The following FNTB variants were observed in gnomAD, a reference collection of about 807,000 sequenced individuals.
FNTB encodes the protein farnesyltransferase, CAAX box, subunit beta, also known as protein farnesyltransferase subunit beta.
A neutral mutation model predicts 59.4 loss-of-function variants in FNTB; 27 were observed. That is an observed-to-expected ratio of 0.45 (90% CI 0.34 to 0.63). FNTB has a LOEUF of 0.63. Among genes scored for constraint, FNTB ranks in the 20% least tolerant of loss-of-function variants. The pLI, the probability that FNTB is intolerant of heterozygous loss-of-function variation, is 0.02. For synonymous variants in FNTB, 230 were observed against 220.7 expected (o/e 1.04, Z -0.37); for missense variants, 449 against 559.6 (o/e 0.80, Z 1.99).
At chr14:64,995,194 C>T (rs1299386505) in intron 1 of FNTB, among the ~76,000 whole-genome samples, 3 of 152,064 alleles carry the variant, frequency 2.0e-5, no homozygotes, top group African/African-American at 7.3e-5. Flanking sequence ...GGAAGGCCTT[C>T]GGGGACAGTG....
Position 65,053,309 on chromosome 14 carries a change from T to C in FNTB, c.1027T>C (p.Cys343Arg). Reference sequence around the variant, plus strand: ...CCTGCAGGAGTACATCCTGATGTGCTGCCAGTGCCCTGCGGGGGGGCTTCT... The same window carrying C: ...CCTGCAGGAGTACATCCTGATGTGCCGCCAGTGCCCTGCGGGGGGGCTTCT... ...QALQEYILMCCQCPAGGLLDK... is the reference protein window; with the variant it reads ...QALQEYILMCRQCPAGGLLDK... Residue 343 changes from cysteine to arginine, a missense_variant, in exon 10 of 12, where the codon TGC (cysteine) becomes CGC (arginine). By Grantham distance (180) the Cys-to-Arg change is radical (BLOSUM62 -3). This residue lies in a region of FNTB where 337 missense variants were observed against 479.1 expected (regional missense o/e 0.70). Transcript: ENST00000246166. 6.9e-7 allele frequency: 1 copy of C among 1,455,292 alleles called. No individual in the cohort carries two copies. The highest frequency in any genetic ancestry group is 9.1e-7 in the Non-Finnish European group (1 of 1,096,890). 90.1% of individuals were successfully genotyped at this position (1,455,292 alleles called of 1,614,324 possible). A position where few individuals can be genotyped will look rare whatever the true frequency, so the allele number is the denominator to read the frequency against.
chr14:65,054,736 C>G lies in FNTB; in HGVS notation c.1182+47C>G. ...ACACCCCTTCTCCACAGGGACCTCG[C>G]GGACAGAAGGCTTTCCAAGTAAGCA... On this transcript the variant is annotated intron_variant, in intron 11 of 11. Coordinates refer to ENST00000246166, the MANE Select transcript of FNTB (RefSeq NM_002028.4). This position sits in a 1 kb window ranked among gnomAD's most constrained non-coding sequence, Gnocchi z 4.4. 1.3e-6 allele frequency: 2 copies of G among 1,551,630 alleles called. No individual in the cohort carries two copies. Among genetic ancestry groups the G allele is most frequent in the Non-Finnish European group, 1.7e-6 (2 of 1,143,130 alleles).
At position 65,032,350 on chromosome 14, in the gene FNTB, C is replaced by T. The variant is rs2062103465; in HGVS notation, c.606-260C>T. On this transcript the variant is annotated intron_variant, in intron 6 of 11. Transcript: ENST00000246166. This position sits in a 1 kb window ranked among gnomAD's most constrained non-coding sequence, Gnocchi z 5.0. ...TGAATTGATATGGCTGTTATTTCCT[C>T]TGATGTAGATTGGACCATGTGGAGG... 5.9e-6 allele frequency: 2 copies of T among 338,018 alleles called. No individual in the cohort carries two copies. The highest frequency in any genetic ancestry group is 1.1e-5 in the Non-Finnish European group (2 of 186,556). 20.9% of individuals were successfully genotyped at this position (338,018 alleles called of 1,614,324 possible). A position where few individuals can be genotyped will look rare whatever the true frequency, so the allele number is the denominator to read the frequency against.
At chr14:65,017,486 C>CT (rs1322080194) in intron 4 of FNTB, among the ~76,000 whole-genome samples, 1 of 152,052 alleles carries the variant, frequency 6.6e-6, no homozygotes, top group Admixed American at 6.6e-5. Context: ...CCAAAATCGA[C>CT]TGAGTTTTTT....
chr14:65,036,695 C>T (rs1322445746), intron 7 of FNTB, among the ~76,000 whole-genome samples: 1 of 148,490 alleles, frequency 6.7e-6, no homozygotes, highest in African/African-American at 2.4e-5. Flanking sequence ...GGCTTGGAAT[C>T]TTTATTCTTT....
At position 64,991,108 on chromosome 14, in the gene FNTB, A is replaced by G. The variant is rs1226684158; in HGVS notation, c.144+4011A>G. ...GCAGCCTTGCCAAAAACAGGTGTTTACAAAAGATACTACTGTTTTTCTTTG... is the reference window on the plus strand; with the variant it reads ...GCAGCCTTGCCAAAAACAGGTGTTTGCAAAAGATACTACTGTTTTTCTTTG... On this transcript the variant is annotated intron_variant, in intron 1 of 11. Transcript: ENST00000246166. This position sits in a 1 kb window ranked among gnomAD's most constrained non-coding sequence, Gnocchi z 4.4. Among the ~76,000 whole-genome samples, 1 of 152,198 alleles carries G rather than the reference A, an allele frequency of 6.6e-6. No individual in the cohort carries two copies. The highest frequency in any genetic ancestry group is 1.5e-5 in the Non-Finnish European group (1 of 68,040).
chr14:65,024,477 T>C lies in FNTB; in HGVS notation c.375-2976T>C, dbSNP rs1173996191. Among the ~76,000 whole-genome samples, 3 of 152,336 alleles carry C rather than the reference T, an allele frequency of 2.0e-5. No homozygotes were observed. The East Asian group carries it at 5.8e-4, about 29-fold the overall frequency. On this transcript the variant is annotated intron_variant, in intron 4 of 11. Coordinates refer to ENST00000246166, the MANE Select transcript of FNTB (RefSeq NM_002028.4). ...ACCTCAGCAGGACTGGGTCTCTGTA[T>C]TCTTTTATTAGCTTTCTACAGATTC... is the stretch of plus-strand genomic sequence containing the variant.
chr14:64,998,261 AAATT>A (rs1247484437), intron 1 of FNTB, among the ~76,000 whole-genome samples: 1 of 152,248 alleles, frequency 6.6e-6, no homozygotes, highest in Non-Finnish European at 1.5e-5. Context: ...CCTTCAACCT[AAATT>A]AACAGACAGA....
chr14:65,040,639 A>G, intron 7 of FNTB, 151 bp from the exon 8 acceptor site: 1 of 861,278 alleles, frequency 1.2e-6, no homozygotes, highest in Admixed American at 4.7e-5. Flanking sequence ...AGACATTTCC[A>G]AAAGTTAATT....
intron 4 of FNTB, among the ~76,000 whole-genome samples, chr14:65,022,837 G>A (rs2061913655): frequency 6.6e-6 from 1 of 152,022 alleles, no homozygotes; most frequent in Non-Finnish European, 1.5e-5. Flanking sequence ...CCTTATTACT[G>A]GTCTTTTCCT....
chr14:65,057,459 T>C (rs577819849), intron 11 of FNTB, among the ~76,000 whole-genome samples: 2 of 152,312 alleles, frequency 1.3e-5, no homozygotes, highest in Admixed American at 6.5e-5. Context: ...TATTTTAATT[T>C]TGAAGTGGTC....
At chr14:64,987,435 C>T (rs1025004135) in intron 1 of FNTB, 11 of 372,140 alleles carry the variant, frequency 3.0e-5, no homozygotes, top group African/African-American at 2.0e-5. Context: ...TCTGCCAGTA[C>T]TTCGGGAGGT....
At position 64,997,152 on chromosome 14, in the gene FNTB, A is replaced by T. The variant is rs1322578382; in HGVS notation, c.145-7097A>T. ...TGAGAGGGTCCTGAATTCTGCTAAG[A>T]TGTAGGTGTAAAGGATAACCAGCGA... On this transcript the variant is annotated intron_variant, in intron 1 of 11. Transcript: ENST00000246166. This position sits in a 1 kb window ranked among gnomAD's most constrained non-coding sequence, Gnocchi z 4.5. 6.6e-6 allele frequency among the ~76,000 whole-genome samples: 1 copy of T among 152,196 alleles called. No individual in the cohort carries two copies. The highest frequency in any genetic ancestry group is 1.5e-5 in the Non-Finnish European group (1 of 68,038).
intron 9 of FNTB, among the ~76,000 whole-genome samples, chr14:65,051,797 ATT>A (rs776155113): frequency 4.9e-5 from 7 of 142,050 alleles, no homozygotes; most frequent in African/African-American, 5.1e-5. Context: ...CACCATAGGA[ATT>A]TTTTTTTTTT....
chr14:64,996,408 A>G (rs1054083487), intron 1 of FNTB, among the ~76,000 whole-genome samples: 1 of 152,218 alleles, frequency 6.6e-6, no homozygotes, highest in Admixed American at 6.5e-5. Flanking sequence ...TTTTTGCCAT[A>G]TCGTGAGTGA....
rs1290190643 is a variant in FNTB, at chr14:65,047,345, T to C, written c.955+2902T>C. ...GGCACTCACAAGGGTTAGTATGTGG[T>C]TGTGTGAATCCAGACTAGCTGGCAT... On this transcript the variant is annotated intron_variant, in intron 9 of 11. Transcript: ENST00000246166. The surrounding 1 kb of genome is among the most constrained non-coding windows in gnomAD (Gnocchi z 5.2). Among the ~76,000 whole-genome samples, 1 of 152,260 alleles carries C rather than the reference T, an allele frequency of 6.6e-6. No homozygotes were observed. Among genetic ancestry groups the C allele is most frequent in the Non-Finnish European group, 1.5e-5 (1 of 68,046 alleles).
intron 11 of FNTB, among the ~76,000 whole-genome samples, chr14:65,059,317 G>GC (rs1391219471): frequency 6.6e-6 from 1 of 150,852 alleles, no homozygotes; most frequent in African/African-American, 2.4e-5. Flanking sequence ...ATTGTACCTG[G>GC]CCCCCGCACT....
intron 1 of FNTB, among the ~76,000 whole-genome samples, chr14:65,000,815 C>CAAAA (rs59420832): frequency 1.1e-4 from 4 of 36,476 alleles, no homozygotes; most frequent in East Asian, 8.8e-4. Context: ...GACTCCGTCT[C>CAAAA]AAAAAAAAAA....
chr14:65,046,256 G>A (rs1281139225), intron 9 of FNTB, among the ~76,000 whole-genome samples: 7 of 152,192 alleles, frequency 4.6e-5, no homozygotes, highest in African/African-American at 9.7e-5. Flanking sequence ...GATTACAGGC[G>A]TGAGCCACCG....
Sources: gnomAD v4.1 joint callset for allele counts (sites outside exome capture counted in the v4.1 genomes callset) on GRCh38, gnomAD v4.1.1 for gene constraint, gnomAD v4.1.1 regional missense constraint, Gnocchi (gnomAD v3.1) non-coding constraint, MANE v1.5 for transcripts, NCBI Gene and HGNC (gene_info 2026-07-23, HGNC 2026-07-21) for gene names.